The following PARVA variants were observed in gnomAD, a reference collection of about 807,000 sequenced individuals.
PARVA encodes the protein parvin alpha.
Under a neutral mutation model 52.6 loss-of-function variants are expected in PARVA, and 25 were observed. The ratio of observed to expected loss-of-function variants is 0.48; its 90% CI spans 0.35 to 0.66. The LOEUF is 0.66. PARVA is among the 30% of genes least tolerant of loss of function. The pLI, the probability that PARVA is intolerant of heterozygous loss-of-function variation, is 0.01. For missense variants in PARVA, 373 were observed against 450.9 expected, an observed-to-expected ratio of 0.83 and a Z score of 1.56; for synonymous variants, 185 against 179.1, an observed-to-expected ratio of 1.03 and a Z score of -0.26.
chr11:12,376,702 A>G (rs982637962), upstream of PARVA: 1 of 983,508 alleles, frequency 1.0e-6, no homozygotes, highest in Admixed American at 6.1e-5. Context: ...GACAGACAGA[A>G]GGACAAAGAG....
At chr11:12,446,153 A>G (rs1219338440) in intron 1 of PARVA, among the ~76,000 whole-genome samples, 4 of 152,216 alleles carry the variant, frequency 2.6e-5, no homozygotes, top group African/African-American at 9.6e-5. Flanking sequence ...CTAAAAACAT[A>G]ATATCCAAAC....
intron 1 of PARVA, among the ~76,000 whole-genome samples, chr11:12,400,470 T>C (rs1229904966): frequency 6.6e-6 from 1 of 152,236 alleles, no homozygotes; most frequent in African/African-American, 2.4e-5. Flanking sequence ...ATACCTTATC[T>C]CCACTGTCTA....
At chr11:12,497,712 C>T (rs1303134609) in intron 5 of PARVA, among the ~76,000 whole-genome samples, 1 of 152,256 alleles carries the variant, frequency 6.6e-6, no homozygotes, top group East Asian at 1.9e-4. Context: ...GCCCTGGGCC[C>T]TAGATGCTAT....
intron 4 of PARVA, among the ~76,000 whole-genome samples, chr11:12,482,987 G>A (rs757017938): frequency 5.3e-5 from 8 of 152,248 alleles, no homozygotes; most frequent in Non-Finnish European, 8.8e-5. Context: ...TCCTTGAGAT[G>A]CCATGTGACT....
chr11:12,458,943 T>C (rs1399987416), intron 1 of PARVA, among the ~76,000 whole-genome samples: 1 of 152,188 alleles, frequency 6.6e-6, no homozygotes, highest in Non-Finnish European at 1.5e-5. Flanking sequence ...TGTCTCTTCT[T>C]GGGTCTGTCA....
chr11:12,511,278 T>C (rs543137778), intron 7 of PARVA, among the ~76,000 whole-genome samples: 1 of 152,124 alleles, frequency 6.6e-6, no homozygotes, highest in Non-Finnish European at 1.5e-5. Context: ...TACACCACTA[T>C]ATGGGTGTAA....
Position 12,397,357 on chromosome 11 carries a change from C to T in PARVA, c.136+19574C>T, listed in dbSNP as rs1047147063. Among the ~76,000 whole-genome samples the T allele has an allele frequency of 3.9e-5, 6 of 152,314 alleles. No homozygotes were observed. In the South Asian group the frequency reaches 1.2e-3, roughly 32 times the overall value. On this transcript the variant is annotated intron_variant, in intron 1 of 12. Transcript: ENST00000334956. ...GGGCTACAGGCATGAGCCACTGCAC[C>T]CAGCTTAAATTTATTTTAGTGTTTT...
intron 1 of PARVA, chr11:12,453,060 G>A (rs745766635): frequency 3.5e-5 from 16 of 456,018 alleles, no homozygotes; most frequent in South Asian, 1.9e-4. Flanking sequence ...AAAGTTGAAC[G>A]TGCTGTGGTG....
chr11:12,392,151 AATAAT>A (rs755325179), intron 1 of PARVA, among the ~76,000 whole-genome samples: 13 of 152,142 alleles, frequency 8.5e-5, no homozygotes, highest in Admixed American at 2.6e-4. Flanking sequence ...GGAATAATGG[AATAAT>A]ATAATATATG....
At chr11:12,443,364 G>T (rs932889255) in intron 1 of PARVA, among the ~76,000 whole-genome samples, 2 of 150,458 alleles carry the variant, frequency 1.3e-5, no homozygotes, top group African/African-American at 4.9e-5. Context: ...TAGAGACGGG[G>T]TTTCACCATG....
intron 12 of PARVA, among the ~76,000 whole-genome samples, chr11:12,525,877 C>T (rs1323401324): frequency 6.6e-6 from 1 of 151,846 alleles, no homozygotes; most frequent in Admixed American, 6.6e-5. Flanking sequence ...GGTCTATAAC[C>T]AGGATAAGGC....
rs1589990205 is a variant in PARVA, at chr11:12,518,667, C to T, written c.1042+150C>T. ...GGTGCAGCTGCTCAGTCCCAGAGAC[C>T]CTTTGTGAGCTGCCAGCTGCACAGC... On this transcript the variant is annotated intron_variant, in intron 12 of 12. Transcript: ENST00000334956. The T allele has an allele frequency of 6.1e-6, 4 of 658,428 alleles. No homozygotes were observed. In the South Asian group the frequency reaches 7.2e-5, roughly 12 times the overall value. The allele number at this position is 658,428 out of a possible 1,614,324, so 40.8% of individuals were successfully genotyped here.
intron 1 of PARVA, among the ~76,000 whole-genome samples, chr11:12,453,317 A>C (rs1349770505): frequency 6.6e-6 from 1 of 152,086 alleles, no homozygotes. Context: ...GCGGAAGAAA[A>C]GCTCTACCTA....
rs368255590 is a variant in PARVA at position 12,504,369 on chromosome 11, G to T, written c.597G>T (p.Gln199His). 1.2e-5 allele frequency: 19 copies of T among 1,613,914 alleles called. No homozygotes were observed. The highest frequency in any genetic ancestry group is 2.2e-5 in the South Asian group (2 of 91,062). Residue 199 changes from glutamine (Q) to histidine (H), a missense_variant, in exon 6 of 13, where the codon CAG becomes CAT. Physicochemically the swap from Gln to His is conservative, Grantham distance 24 (BLOSUM62 0). Transcript: ENST00000334956. ...AILHLLVALS[Q>H]YFRAPIRLPD... ...TACACCTGCTCGTTGCTCTGTCTCA[G>T]TATTTCCGCGCACCAATTCGACTCC...
intron 1 of PARVA, among the ~76,000 whole-genome samples, chr11:12,436,164 T>C (rs1405664743): frequency 2.6e-5 from 4 of 152,178 alleles, no homozygotes; most frequent in Non-Finnish European, 5.9e-5. Flanking sequence ...CTCCCTCTTC[T>C]GAGGATTAGG....
At chr11:12,508,464 G>A in intron 6 of PARVA, 120 bp from the exon 7 acceptor site, 1 of 763,978 alleles carries the variant, frequency 1.3e-6, no homozygotes, top group Admixed American at 2.0e-5. Flanking sequence ...CTTATCTTGG[G>A]TGCATTTCTT....
At chr11:12,482,027 G>C (rs1342078073) in intron 4 of PARVA, among the ~76,000 whole-genome samples, 4 of 151,472 alleles carry the variant, frequency 2.6e-5, no homozygotes, top group Admixed American at 6.6e-5. Context: ...AAATTAGCCG[G>C]GCATGGTGGT....
In PARVA at chr11:12,533,816, G is replaced by A. The variant is rs893475958; in HGVS notation, c.*5891G>A. ...TCATCACATTGAGTAGGCGGAGGAG[G>A]AGGAGGAGGAGGAGGAGTAGGGGTT... is the stretch of plus-strand genomic sequence containing the variant. On this transcript the variant is annotated 3_prime_UTR_variant, in exon 13 of 13. Transcript: ENST00000334956. Among the ~76,000 whole-genome samples the A allele has an allele frequency of 6.6e-6, 1 of 151,998 alleles. No homozygotes were observed. The highest frequency in any genetic ancestry group is 2.4e-5 in the African/African-American group (1 of 41,352).
chr11:12,390,606 C>T (rs890060735), intron 1 of PARVA, among the ~76,000 whole-genome samples: 2 of 152,164 alleles, frequency 1.3e-5, no homozygotes, highest in East Asian at 1.9e-4. Flanking sequence ...AATTAGAACT[C>T]CTGGCCCTGC....
Sources: gnomAD v4.1 joint callset for allele counts (sites outside exome capture counted in the v4.1 genomes callset) on GRCh38, gnomAD v4.1.1 for gene constraint, MANE v1.5 for transcripts, NCBI Gene and HGNC (gene_info 2026-07-23, HGNC 2026-07-21) for gene names.